PCDHA3: variants seen among roughly 807,000 people sequenced by gnomAD.
PCDHA3 encodes protocadherin alpha-3.
In PCDHA3, 41 loss-of-function variants were observed where a neutral mutation model predicts 62.2. The observed-to-expected ratio is 0.66, with a 90% CI of 0.51 to 0.86. The LOEUF is 0.86. Among genes scored for constraint, PCDHA3 ranks in the 40% least tolerant of loss-of-function variants. The probability of loss-of-function intolerance (pLI) is 0.00; values close to 1 mark genes in which losing one functional copy is unlikely to be tolerated. For synonymous variants in PCDHA3, 640 were observed against 555.4 expected, an observed-to-expected ratio of 1.15 and a Z score of -2.14; for missense variants, 1,304 against 1,241.2, an observed-to-expected ratio of 1.05 and a Z score of -0.76.
At chr5:140,924,903 AAATAAAAT>A (rs1318660055) in intron 1 of PCDHA3, among the ~76,000 whole-genome samples, 2 of 54,856 alleles carry the variant, frequency 3.6e-5, no homozygotes, top group African/African-American at 8.4e-5. Context: ...TCAAAAAAAA[AAATAAAAT>A]AAAATAAAAT....
chr5:140,898,246 A>G (rs377438166), intron 1 of PCDHA3, among the ~76,000 whole-genome samples: 49 of 152,286 alleles, frequency 3.2e-4, no homozygotes, highest in African/African-American at 1.1e-3. Context: ...TTGGTGTTTT[A>G]GACATGAAGT....
At chr5:140,896,226 T>G (rs1554186874) in intron 1 of PCDHA3, among the ~76,000 whole-genome samples, 1 of 152,242 alleles carries the variant, frequency 6.6e-6, no homozygotes, top group African/African-American at 2.4e-5. Flanking sequence ...GTCTTTATAG[T>G]AGAATGACTT....
At chr5:141,004,810 A>G (rs2098182429) in intron 3 of PCDHA3, among the ~76,000 whole-genome samples, 1 of 152,224 alleles carries the variant, frequency 6.6e-6, no homozygotes, top group Non-Finnish European at 1.5e-5. Flanking sequence ...GCTCAATTGC[A>G]GATTTGATTA....
At chr5:140,858,274 G>C (rs376781836) in intron 1 of PCDHA3, 1 of 1,597,298 alleles carries the variant, frequency 6.3e-7, no homozygotes, top group African/African-American at 1.3e-5. Flanking sequence ...GCTCTAGCGC[G>C]GTGGGGAGCT....
intron 1 of PCDHA3, chr5:140,856,218 A>C: frequency 6.3e-7 from 1 of 1,597,930 alleles, no homozygotes; most frequent in Non-Finnish European, 8.6e-7. Flanking sequence ...GAGCTGGCGG[A>C]GCTGGTGCAG....
chr5:140,949,053 C>T (rs2094339991), intron 1 of PCDHA3, among the ~76,000 whole-genome samples: 1 of 151,694 alleles, frequency 6.6e-6, no homozygotes, highest in Admixed American at 6.6e-5. Flanking sequence ...TTCTAATTTC[C>T]ATTATGATTT....
intron 1 of PCDHA3, chr5:140,821,859 C>A: frequency 6.2e-7 from 1 of 1,614,192 alleles, no homozygotes; most frequent in Non-Finnish European, 8.5e-7. Flanking sequence ...CAGGGAGCGG[C>A]CAGCTCCACT....
chr5:140,871,582 GT>G, intron 1 of PCDHA3: 2 of 1,468,826 alleles, frequency 1.4e-6, no homozygotes, highest in Non-Finnish European at 1.8e-6. Flanking sequence ...TTAAGGGAAA[GT>G]TTTATGAATA....
At chr5:140,807,250 C>A (rs781836532) in intron 1 of PCDHA3, 2 of 1,614,232 alleles carry the variant, frequency 1.2e-6, no homozygotes, top group East Asian at 2.2e-5. Flanking sequence ...TTCTTCTCCT[C>A]GCAGCCTGGG....
chr5:140,870,317 C>T (rs782216904), intron 1 of PCDHA3: 9 of 1,614,198 alleles, frequency 5.6e-6, no homozygotes, highest in South Asian at 2.2e-5. Flanking sequence ...AATTACTACT[C>T]GTTGGTGCTG....
chr5:140,851,664 A>G, intron 1 of PCDHA3: 1 of 913,742 alleles, frequency 1.1e-6, no homozygotes, highest in South Asian at 5.0e-5. Flanking sequence ...TTCTCCTTTT[A>G]ATTGAAATTT....
rs2150249126 is a variant in PCDHA3, at chr5:140,835,958, C to G, written c.2394+32367C>G. 96 of 1,612,940 alleles carry G rather than the reference C, an allele frequency of 6.0e-5. 1 individual carries two copies. The highest frequency in any genetic ancestry group is 7.7e-5 in the Non-Finnish European group (91 of 1,179,702). On this transcript the variant is annotated intron_variant, in intron 1 of 3. Transcript: ENST00000522353. ...TGTACGCGCTGCAGCCGTTGGACCA[C>G]GAGGAGCTGGAGCTGTTGCAGTTCC...
At chr5:140,869,975 T>C (rs1562636456) in intron 1 of PCDHA3, 1 of 1,613,324 alleles carries the variant, frequency 6.2e-7, no homozygotes, top group Non-Finnish European at 8.5e-7. Flanking sequence ...GGAAGACACT[T>C]ATTTACACTA....
intron 3 of PCDHA3, 162 bp downstream of exon 3, chr5:140,982,725 A>G (rs2096999365): frequency 1.1e-6 from 1 of 902,882 alleles, no homozygotes; most frequent in African/African-American, 1.8e-5. Flanking sequence ...GATTATTTTG[A>G]TTTTATACCT....
chr5:140,845,640 T>C (rs1256673286), intron 1 of PCDHA3, among the ~76,000 whole-genome samples: 1 of 149,636 alleles, frequency 6.7e-6, no homozygotes, highest in Non-Finnish European at 1.5e-5. Flanking sequence ...AATCAAGTCC[T>C]CCCTTTACCA....
At chr5:140,886,138 T>C (rs1166911705) in intron 1 of PCDHA3, among the ~76,000 whole-genome samples, 2 of 152,208 alleles carry the variant, frequency 1.3e-5, no homozygotes, top group African/African-American at 4.8e-5. Flanking sequence ...AACCAGATTC[T>C]TGATATCACC....
chr5:140,801,525 G>A lies in PCDHA3; in HGVS notation c.328G>A (p.Val110Met), dbSNP rs782003148. 4 of 1,614,230 alleles carry A rather than the reference G, an allele frequency of 2.5e-6. No homozygotes were observed. Among genetic ancestry groups the A allele is most frequent in the East Asian group, 4.5e-5 (2 of 44,888 alleles). Residue 110 changes from valine (V) to methionine (M), a missense_variant, in exon 1 of 4, where the codon GTG becomes ATG. Val to Met is a conservative substitution (Grantham distance 21). Coordinates refer to ENST00000522353, the MANE Select transcript of PCDHA3 (RefSeq NM_018906.3). ...AECSIHLEVI[V>M]DRPLQVFHVE... ...GTGCAGCATCCACCTGGAGGTGATC[G>A]TGGACAGGCCGCTGCAGGTTTTCCA...
Position 140,841,181 on chromosome 5 carries a change from CAA to C in PCDHA3, c.2394+37592_2394+37593del, listed in dbSNP as rs1777074399. The C allele has an allele frequency of 1.0e-5, 12 of 1,156,490 alleles. 1 individual carries two copies. The highest frequency in any genetic ancestry group is 1.6e-5 in the South Asian group (1 of 61,808). 71.6% of individuals were successfully genotyped at this position (1,156,490 alleles called of 1,614,324 possible). On this transcript the variant is annotated intron_variant, in intron 1 of 3. Transcript: ENST00000522353. ...CAAGAAGTTCTGGTTGGTCAATGTTCAAAGTCTTTTCTCTGACAGCATCTGTC... is the reference window on the plus strand; with the variant it reads ...CAAGAAGTTCTGGTTGGTCAATGTTCAGTCTTTTCTCTGACAGCATCTGTC...
intron 1 of PCDHA3, among the ~76,000 whole-genome samples, chr5:140,820,018 G>T (rs1766670311): frequency 6.6e-6 from 1 of 151,780 alleles, no homozygotes; most frequent in Non-Finnish European, 1.5e-5. Flanking sequence ...TTATTCCATA[G>T]CTTTGTAGTT....
Sources: allele counts gnomAD v4.1 joint callset (sites outside exome capture counted in the v4.1 genomes callset), GRCh38; gene constraint gnomAD v4.1.1; transcripts MANE v1.5; gene names NCBI Gene and HGNC (gene_info 2026-07-23, HGNC 2026-07-21).